The following EFCAB8 variants were observed in gnomAD, a reference collection of about 807,000 sequenced individuals.
The protein encoded by EFCAB8 is EF-hand calcium-binding domain-containing protein 8.
Under a neutral mutation model 116.3 loss-of-function variants are expected in EFCAB8, and 100 were observed. The ratio of observed to expected loss-of-function variants is 0.86; its 90% CI spans 0.73 to 1.02. The LOEUF (loss-of-function observed/expected upper bound fraction) is 1.02. Among genes scored for constraint, EFCAB8 ranks in the 50% least tolerant of loss-of-function variants. The probability of loss-of-function intolerance (pLI) is 0.00; values close to 1 mark genes in which losing one functional copy is unlikely to be tolerated. For synonymous variants in EFCAB8, 558 were observed against 567.9 expected (o/e 0.98, Z 0.25); for missense variants, 1,320 against 1,416.9 (o/e 0.93, Z 1.10).
intron 19 of EFCAB8, 60 bp from the exon 20 acceptor site, chr20:32,920,018 G>A: frequency 6.5e-7 from 1 of 1,544,870 alleles, no homozygotes; most frequent in South Asian, 1.2e-5. Context: ...CTGGTCTCTG[G>A]TCCCCTATGG....
intron 19 of EFCAB8, among the ~76,000 whole-genome samples, chr20:32,919,581 CTG>C: frequency 6.6e-6 from 1 of 152,264 alleles, no homozygotes; most frequent in African/African-American, 2.4e-5. Context: ...AGTGCAACCT[CTG>C]TCTCCTGGGT....
Position 32,889,349 on chromosome 20 carries a change from A to G in EFCAB8, c.616A>G (p.Met206Val), listed in dbSNP as rs1332131766. Residue 206 changes from methionine to valine, a missense_variant, in exon 7 of 27, where the codon ATG (methionine) becomes GTG (valine). By Grantham distance (21) the Met-to-Val change is conservative (BLOSUM62 1). Coordinates refer to ENST00000400522, the MANE Select transcript of EFCAB8 (RefSeq NM_001143967.2). Reference protein sequence around the residue: ...LYNQPMWVIDMVCLHNMNLVA... With the variant: ...LYNQPMWVIDVVCLHNMNLVA... ...CAACCAGCCGATGTGGGTCATTGACATGGTATGTCTGCACAATATGAACCT... is the reference window on the plus strand; with the variant it reads ...CAACCAGCCGATGTGGGTCATTGACGTGGTATGTCTGCACAATATGAACCT... The G allele has an allele frequency of 2.6e-6, 4 of 1,551,806 alleles. No homozygotes were observed. Among genetic ancestry groups the G allele is most frequent in the South Asian group, 2.4e-5 (2 of 84,056 alleles).
intron 20 of EFCAB8, among the ~76,000 whole-genome samples, chr20:32,921,392 T>TGTGTG (rs57469624): frequency 6.7e-6 from 1 of 149,732 alleles, no homozygotes; most frequent in East Asian, 2.0e-4. Flanking sequence ...TGTGTGTGTG[T>TGTGTG]TTTTGTAGAG....
Position 32,960,085 on chromosome 20 carries a change from C to T in EFCAB8, c.3317C>T (p.Ala1106Val), listed in dbSNP as rs751446353. The T allele has an allele frequency of 7.1e-6, 11 of 1,551,676 alleles. No individual in the cohort carries two copies. The highest frequency in any genetic ancestry group is 1.2e-5 in the South Asian group (1 of 84,062). Residue 1106 changes from alanine to valine, a missense_variant, in exon 26 of 27, where the codon GCG (alanine) becomes GTG (valine). By Grantham distance (64) the Ala-to-Val change is moderately conservative. Coordinates refer to ENST00000400522, the MANE Select transcript of EFCAB8 (RefSeq NM_001143967.2). ...DKQVSKVLGA[A>V]YKPKERLQNT... ...CAGGTGAGCAAAGTCTTGGGAGCGGCGTATAAGCCCAAGGAACGCTTGCAG... is the reference window on the plus strand; with the variant it reads ...CAGGTGAGCAAAGTCTTGGGAGCGGTGTATAAGCCCAAGGAACGCTTGCAG...
chr20:32,865,165 T>C (rs916058040), intron 2 of EFCAB8, among the ~76,000 whole-genome samples: 4 of 152,162 alleles, frequency 2.6e-5, no homozygotes, highest in African/African-American at 9.7e-5. Context: ...GGGGCAGATA[T>C]GAACAAAGAC....
chr20:32,916,523 T>G (rs183340379), intron 17 of EFCAB8, among the ~76,000 whole-genome samples: 3 of 152,264 alleles, frequency 2.0e-5, no homozygotes, highest in African/African-American at 7.2e-5. Flanking sequence ...CCCCTCAAAG[T>G]GCTGGGATTA....
chr20:32,929,692 T>C (rs552545081), intron 20 of EFCAB8, among the ~76,000 whole-genome samples: 73 of 152,210 alleles, frequency 4.8e-4, no homozygotes, highest in Admixed American at 2.2e-3. Flanking sequence ...ACACATAAGC[T>C]ATTACACTGT....
intron 5 of EFCAB8, among the ~76,000 whole-genome samples, chr20:32,879,763 G>C (rs1227450700): frequency 6.6e-6 from 1 of 152,168 alleles, no homozygotes; most frequent in Non-Finnish European, 1.5e-5. Flanking sequence ...CCTCACATGA[G>C]TCTTATGACC....
intron 17 of EFCAB8, chr20:32,917,045 G>C: frequency 2.1e-6 from 1 of 466,744 alleles, no homozygotes; most frequent in Non-Finnish European, 3.8e-6. Context: ...CTAGGTGTCT[G>C]ACTGGGGGTG....
At chr20:32,906,514 G>A in intron 11 of EFCAB8, 48 bp from the exon 12 acceptor site, 1 of 717,596 alleles carries the variant, frequency 1.4e-6, no homozygotes, top group Non-Finnish European at 2.6e-6. Flanking sequence ...ACGCTCTCTT[G>A]GGGCCACTGC....
intron 17 of EFCAB8, among the ~76,000 whole-genome samples, chr20:32,915,758 G>A (rs899742205): frequency 7.3e-5 from 11 of 150,442 alleles, no homozygotes; most frequent in South Asian, 2.1e-4. Context: ...TGCAGCCTCC[G>A]CGTCCCGGGT....
intron 21 of EFCAB8, among the ~76,000 whole-genome samples, 173 bp downstream of exon 21, chr20:32,930,789 G>A (rs1987878388): frequency 6.6e-6 from 1 of 152,142 alleles, no homozygotes; most frequent in African/African-American, 2.4e-5. Flanking sequence ...GACAGGAGCG[G>A]GTCTTGGTTC....
At chr20:32,948,899 C>T (rs1988708836) in intron 23 of EFCAB8, among the ~76,000 whole-genome samples, 1 of 152,134 alleles carries the variant, frequency 6.6e-6, no homozygotes, top group African/African-American at 2.4e-5. Context: ...ACTAGCTTCA[C>T]ACCTAATGGT....
intron 20 of EFCAB8, among the ~76,000 whole-genome samples, chr20:32,929,304 C>T (rs998073884): frequency 6.6e-6 from 1 of 152,094 alleles, no homozygotes; most frequent in Non-Finnish European, 1.5e-5. Context: ...CTGGTGAAGC[C>T]ATCAAGCTTT....
rs1431869983 is a variant in EFCAB8 at position 32,937,693 on chromosome 20, A to G, written c.2791-5943A>G. On this transcript the variant is annotated intron_variant, in intron 22 of 26. Coordinates refer to ENST00000400522, the MANE Select transcript of EFCAB8 (RefSeq NM_001143967.2). The stretch of plus-strand genomic sequence containing the variant: ...GAGTACAATGGTGTGATCTTGACTC[A>G]CTGCAACCTCTGCCTCCGGGGTTCA... Among the ~76,000 whole-genome samples, 2 of 150,758 alleles carry G rather than the reference A, an allele frequency of 1.3e-5. 1 individual carries two copies. Among genetic ancestry groups the G allele is most frequent in the Non-Finnish European group, 3.0e-5 (2 of 67,638 alleles).
rs746896702 is a variant in EFCAB8 at position 32,867,595 on chromosome 20, A to G, written c.56A>G (p.His19Arg). ...TATTCGTTCCAGCTGTCCATCCCACATGGCTTCCAGAACAAGGAGGCTGCT... is the reference window on the plus strand; with the variant it reads ...TATTCGTTCCAGCTGTCCATCCCACGTGGCTTCCAGAACAAGGAGGCTGCT... The part of the protein sequence containing the change: ...IPQLQKLSIP[H>R]GFQNKEAASS... The change falls in exon 3 of 27, where the codon CAT (histidine) becomes CGT (arginine). Residue 19 changes from histidine to arginine, a missense_variant. Transcript: ENST00000400522. 75 of 1,551,474 alleles carry G rather than the reference A, an allele frequency of 4.8e-5. No individual in the cohort carries two copies. The highest frequency in any genetic ancestry group is 6.4e-5 in the Non-Finnish European group (73 of 1,146,954).
intron 6 of EFCAB8, among the ~76,000 whole-genome samples, chr20:32,886,641 A>C (rs6058935): frequency 0.6 from 90,577 of 151,870 alleles, 28,345 homozygotes; most frequent in Middle Eastern, 0.73. Flanking sequence ...TTCCATAGCC[A>C]TCCACCTTAC....
intron 9 of EFCAB8, among the ~76,000 whole-genome samples, chr20:32,896,184 G>A (rs370143601): frequency 2.4e-4 from 37 of 152,318 alleles, no homozygotes; most frequent in Admixed American, 7.2e-4. Flanking sequence ...CCTAGGAAGC[G>A]TGAGGTGCCC....
At chr20:32,956,100 G>T in intron 23 of EFCAB8, among the ~76,000 whole-genome samples, 1 of 151,674 alleles carries the variant, frequency 6.6e-6, no homozygotes, top group Non-Finnish European at 1.5e-5. Context: ...AAAAATTGTT[G>T]TTTTATGTCC....
Sources: allele counts gnomAD v4.1 joint callset (sites outside exome capture counted in the v4.1 genomes callset), GRCh38; gene constraint gnomAD v4.1.1; transcripts MANE v1.5; gene names NCBI Gene and HGNC (gene_info 2026-07-23, HGNC 2026-07-21).